Variants in FRAS1 observed in about 807,000 individuals in gnomAD.
FRAS1 encodes extracellular matrix organizing protein FRAS1.
In FRAS1, 290 loss-of-function variants were observed where a neutral mutation model predicts 435.2. That is an observed-to-expected ratio of 0.67 (90% CI 0.61 to 0.73). The LOEUF (loss-of-function observed/expected upper bound fraction) is 0.73. FRAS1 is among the 30% of genes least tolerant of loss of function. The pLI is 0.00. For synonymous variants in FRAS1, 1,800 were observed against 1,851.0 expected (o/e 0.97, Z 0.71); for missense variants, 4,860 against 5,001.5 (o/e 0.97, Z 0.85).
At chr4:78,111,615 G>C (rs866336546) in intron 2 of FRAS1, among the ~76,000 whole-genome samples, 3 of 104,126 alleles carry the variant, frequency 2.9e-5, no homozygotes, top group African/African-American at 1.1e-4. Flanking sequence ...GGTCGGGGGA[G>C]GGGGGAGGGA....
chr4:78,079,042 A>T (rs1468270051), intron 2 of FRAS1, among the ~76,000 whole-genome samples: 1 of 152,214 alleles, frequency 6.6e-6, no homozygotes, highest in Non-Finnish European at 1.5e-5. Context: ...TAAGTAAATC[A>T]TCGTAGATTA....
intron 29 of FRAS1, among the ~76,000 whole-genome samples, chr4:78,390,238 T>C (rs950973363): frequency 2.6e-5 from 4 of 152,202 alleles, no homozygotes; most frequent in Non-Finnish European, 2.9e-5. Context: ...ATTTTTCTAA[T>C]GGAGATTCTA....
At chr4:78,152,950 G>C (rs28691673) in intron 2 of FRAS1, among the ~76,000 whole-genome samples, 403 of 152,178 alleles carry the variant, frequency 2.6e-3, no homozygotes, top group African/African-American at 8.8e-3. Flanking sequence ...ATGTAGCACA[G>C]AGCTCTCCCT....
At chr4:78,369,505 C>T (rs866330156) in intron 22 of FRAS1, among the ~76,000 whole-genome samples, 2 of 152,132 alleles carry the variant, frequency 1.3e-5, no homozygotes, top group South Asian at 4.2e-4. Flanking sequence ...GGGCTTGATT[C>T]CTGAAGAAGT....
At chr4:78,434,754 A>G (rs1489903613) in intron 38 of FRAS1, among the ~76,000 whole-genome samples, 1 of 152,198 alleles carries the variant, frequency 6.6e-6, no homozygotes, top group Non-Finnish European at 1.5e-5. Flanking sequence ...GAAAAAAGCC[A>G]GTAAATATAA....
intron 2 of FRAS1, chr4:78,068,649 C>T: frequency 2.2e-6 from 1 of 455,478 alleles, no homozygotes; most frequent in Admixed American, 2.4e-5. Flanking sequence ...TGCTTGTTTC[C>T]AGGGAAACTA....
At chr4:78,125,637 C>A (rs567505022) in intron 2 of FRAS1, among the ~76,000 whole-genome samples, 1 of 152,288 alleles carries the variant, frequency 6.6e-6, no homozygotes, top group South Asian at 2.1e-4. Flanking sequence ...ACAGGCCCCT[C>A]AGCTGCAGGT....
chr4:78,328,224 T>G (rs1245480873), intron 18 of FRAS1, among the ~76,000 whole-genome samples: 2 of 152,250 alleles, frequency 1.3e-5, no homozygotes, highest in South Asian at 4.1e-4. Flanking sequence ...ACATTCGTTT[T>G]GTGACCAAAT....
chr4:78,327,472 A>G (rs914282257), intron 18 of FRAS1, among the ~76,000 whole-genome samples: 2 of 152,214 alleles, frequency 1.3e-5, no homozygotes, highest in African/African-American at 4.8e-5. Context: ...CGGTTGTTTG[A>G]AATATACATG....
At position 78,407,853 on chromosome 4, in the gene FRAS1, T is replaced by G. The variant is rs1189886985; in HGVS notation, c.4308+12T>G. 2 of 1,575,136 alleles carry G rather than the reference T, an allele frequency of 1.3e-6. No homozygotes were observed. Among genetic ancestry groups the G allele is most frequent in the Non-Finnish European group, 1.7e-6 (2 of 1,159,456 alleles). ...CCTTCCGCTTCGAGGTACCCTCTGC[T>G]TCCTGACTTTTCTGAAGTCTGATGA... On this transcript the variant is annotated intron_variant, in intron 31 of 73. Transcript: ENST00000512123.
At chr4:78,450,919 C>T (rs560659431) in intron 45 of FRAS1, among the ~76,000 whole-genome samples, 23 of 152,134 alleles carry the variant, frequency 1.5e-4, no homozygotes, top group African/African-American at 4.3e-4. Context: ...TTGGGGAAAA[C>T]GTAATCCACA....
intron 40 of FRAS1, among the ~76,000 whole-genome samples, chr4:78,439,409 C>A (rs1385738178): frequency 3.3e-5 from 5 of 152,106 alleles, no homozygotes; most frequent in Admixed American, 6.6e-5. Context: ...TGGACAATGA[C>A]CCCAAATCAC....
chr4:78,475,311 G>A, intron 53 of FRAS1, 127 bp from the exon 54 acceptor site: 8 of 931,242 alleles, frequency 8.6e-6, no homozygotes, highest in Non-Finnish European at 9.9e-6. Flanking sequence ...GATTCTTAGA[G>A]GAACCAAACT....
At chr4:78,413,293 C>T (rs1029379323) in intron 32 of FRAS1, among the ~76,000 whole-genome samples, 7 of 152,120 alleles carry the variant, frequency 4.6e-5, no homozygotes, top group South Asian at 4.1e-4. Context: ...ATGCGGAATC[C>T]GTATTGACCT....
chr4:78,064,545 G>A (rs1739906597), intron 1 of FRAS1, among the ~76,000 whole-genome samples: 1 of 151,404 alleles, frequency 6.6e-6, no homozygotes, highest in South Asian at 2.1e-4. Context: ...CTTGTACTTA[G>A]CTAATGTGAT....
chr4:78,337,557 T>G (rs993509796), intron 19 of FRAS1, 117 bp from the exon 20 acceptor site: 1 of 1,241,448 alleles, frequency 8.1e-7, no homozygotes, highest in African/African-American at 1.5e-5. Flanking sequence ...AGGAATCTTC[T>G]AAAGATGATT....
intron 14 of FRAS1, among the ~76,000 whole-genome samples, chr4:78,304,168 G>T (rs1448961377): frequency 1.3e-5 from 2 of 149,776 alleles, no homozygotes; most frequent in Non-Finnish European, 3.0e-5. Context: ...TTATTGATTT[G>T]CTTATATTGA....
At chr4:78,214,382 G>A (rs546980307) in intron 2 of FRAS1, among the ~76,000 whole-genome samples, 1 of 152,270 alleles carries the variant, frequency 6.6e-6, no homozygotes, top group East Asian at 1.9e-4. Context: ...ATCAACTTTT[G>A]AAAAATGTTT....
chr4:78,384,135 T>A lies in FRAS1; in HGVS notation c.3640T>A (p.Ser1214Thr). 6.3e-7 allele frequency: 1 copy of A among 1,590,582 alleles called. No individual in the cohort carries two copies. Among genetic ancestry groups the A allele is most frequent in the South Asian group, 1.2e-5 (1 of 85,028 alleles). Residue 1214 changes from serine to threonine, a missense_variant, in exon 28 of 74, where the codon TCA becomes ACA. Physicochemically the swap from Ser to Thr is moderately conservative, Grantham distance 58 (BLOSUM62 1). Coordinates refer to ENST00000512123, the MANE Select transcript of FRAS1 (RefSeq NM_025074.7). The part of the protein sequence containing the change: ...EPQLINIQAF[S>T]TQAPYVLRNE... The stretch of plus-strand genomic sequence containing the variant: ...ACAGCTGATCAACATACAAGCATTT[T>A]CAACACAGGTAATAAAAATGGCCAC...
Sources: allele counts gnomAD v4.1 joint callset (sites outside exome capture counted in the v4.1 genomes callset), GRCh38; gene constraint gnomAD v4.1.1; transcripts MANE v1.5; gene names NCBI Gene and HGNC (gene_info 2026-07-23, HGNC 2026-07-21).